Variants in ASIC2 observed in about 807,000 individuals in gnomAD.
ASIC2 encodes the protein acid-sensing ion channel 2.
A neutral mutation model predicts 57.3 loss-of-function variants in ASIC2; 25 were observed. That is an observed-to-expected ratio of 0.44 (90% CI 0.32 to 0.61). The LOEUF (loss-of-function observed/expected upper bound fraction) is 0.61. Ranked by LOEUF, ASIC2 falls within the 20% of genes least tolerant of loss-of-function variation. The pLI, the probability that ASIC2 is intolerant of heterozygous loss-of-function variation, is 0.06. For synonymous variants in ASIC2, 319 were observed against 307.5 expected, an observed-to-expected ratio of 1.04 and a Z score of -0.39; for missense variants, 641 against 738.1, an observed-to-expected ratio of 0.87 and a Z score of 1.52.
At chr17:33,931,858 C>T (rs16969051) in intron 1 of ASIC2, among the ~76,000 whole-genome samples, 23,495 of 152,178 alleles carry the variant, frequency 0.15, 2,289 homozygotes, top group African/African-American at 0.28. Context: ...GGGGAATGAG[C>T]GCTGTTCGGC....
At chr17:33,417,078 A>G (rs1910868293) in intron 1 of ASIC2, among the ~76,000 whole-genome samples, 1 of 152,190 alleles carries the variant, frequency 6.6e-6, no homozygotes, top group Non-Finnish European at 1.5e-5. Flanking sequence ...CTTGGGTAAA[A>G]GCAGCTCTTT....
At chr17:33,653,303 A>G (rs1278475053) in intron 1 of ASIC2, among the ~76,000 whole-genome samples, 2 of 152,180 alleles carry the variant, frequency 1.3e-5, no homozygotes, top group Non-Finnish European at 2.9e-5. Context: ...TGGCATTTAC[A>G]ATAGCATCAT....
At chr17:33,405,059 G>C (rs565941268) in intron 1 of ASIC2, among the ~76,000 whole-genome samples, 1 of 152,010 alleles carries the variant, frequency 6.6e-6, no homozygotes, top group South Asian at 2.1e-4. Context: ...TTAGAGTAGG[G>C]GGACAGGCAT....
chr17:34,155,044 T>A (rs1167443591), intron 1 of ASIC2, among the ~76,000 whole-genome samples: 1 of 151,452 alleles, frequency 6.6e-6, no homozygotes, highest in African/African-American at 2.4e-5. Context: ...GTAAGCCACA[T>A]CCCCCTCCGC....
intron 1 of ASIC2, chr17:33,932,827 C>A (rs1915973978): frequency 1.4e-5 from 2 of 145,644 alleles, no homozygotes; most frequent in African/African-American, 2.6e-5. Context: ...TTAAAAGTGC[C>A]TTTGTGGCTT....
intron 1 of ASIC2, among the ~76,000 whole-genome samples, chr17:34,100,080 C>T (rs1910804667): frequency 6.6e-6 from 1 of 152,102 alleles, no homozygotes; most frequent in African/African-American, 2.4e-5. Context: ...ACCGCAAACA[C>T]ATTGTCCCTG....
intron 1 of ASIC2, among the ~76,000 whole-genome samples, chr17:33,200,369 G>A (rs1443684417): frequency 1.3e-5 from 2 of 152,062 alleles, no homozygotes; most frequent in East Asian, 1.9e-4. Context: ...GAGGACTCAC[G>A]AATAAATCTG....
chr17:33,445,700 G>A (rs1324372261), intron 1 of ASIC2, among the ~76,000 whole-genome samples: 3 of 150,822 alleles, frequency 2.0e-5, no homozygotes, highest in African/African-American at 7.3e-5. Context: ...GAGAGGCTGA[G>A]GCAGGAGAAT....
chr17:33,868,090 C>A (rs1211174263), intron 1 of ASIC2, among the ~76,000 whole-genome samples: 2 of 152,032 alleles, frequency 1.3e-5, no homozygotes, highest in Admixed American at 6.6e-5. Context: ...TCTCTCTGAG[C>A]ATTAGAAATC....
intron 1 of ASIC2, among the ~76,000 whole-genome samples, chr17:33,884,001 C>T (rs1017133931): frequency 1.3e-5 from 2 of 152,152 alleles, no homozygotes; most frequent in Non-Finnish European, 2.9e-5. Flanking sequence ...GGCTCCAGAG[C>T]CCAATGTGTA....
chr17:34,054,002 G>T (rs1908666539), intron 1 of ASIC2, among the ~76,000 whole-genome samples: 1 of 152,224 alleles, frequency 6.6e-6, no homozygotes, highest in Non-Finnish European at 1.5e-5. Context: ...TGGAAAACGA[G>T]AGCAAAGGAC....
intron 1 of ASIC2, among the ~76,000 whole-genome samples, chr17:33,941,800 A>G (rs1567763387): frequency 1.3e-5 from 2 of 152,218 alleles, no homozygotes; most frequent in Non-Finnish European, 2.9e-5. Flanking sequence ...AGGTTTGCTC[A>G]TGGCTGGAGT....
At chr17:33,045,928 A>G (rs529556531) in intron 3 of ASIC2, among the ~76,000 whole-genome samples, 8 of 152,350 alleles carry the variant, frequency 5.3e-5, no homozygotes, top group African/African-American at 1.9e-4. Flanking sequence ...GAATTGGACT[A>G]TCTCAGAGCT....
intron 1 of ASIC2, among the ~76,000 whole-genome samples, chr17:33,258,908 A>G (rs1379567446): frequency 6.6e-6 from 1 of 152,198 alleles, no homozygotes; most frequent in Non-Finnish European, 1.5e-5. Context: ...GGACATGCAC[A>G]TATAGCTATC....
chr17:34,078,699 C>T (rs910758058), intron 1 of ASIC2, among the ~76,000 whole-genome samples: 2 of 152,140 alleles, frequency 1.3e-5, no homozygotes, highest in Admixed American at 1.3e-4. Context: ...GTTTCTCACC[C>T]GTAAGTGCAG....
At chr17:33,219,166 G>A (rs954067888) in intron 1 of ASIC2, among the ~76,000 whole-genome samples, 2 of 152,148 alleles carry the variant, frequency 1.3e-5, no homozygotes, top group African/African-American at 4.8e-5. Context: ...ACAGCCACAA[G>A]CAGATGGGAA....
intron 1 of ASIC2, among the ~76,000 whole-genome samples, chr17:33,191,286 A>G (rs984067070): frequency 6.6e-6 from 1 of 152,214 alleles, no homozygotes; most frequent in African/African-American, 2.4e-5. Flanking sequence ...CAGCTAATCT[A>G]CACTGACAGA....
intron 1 of ASIC2, among the ~76,000 whole-genome samples, chr17:34,113,783 G>A (rs888167172): frequency 6.6e-6 from 1 of 152,222 alleles, no homozygotes; most frequent in Admixed American, 6.5e-5. Flanking sequence ...ACTGAGGCAG[G>A]AGAATCACTT....
At chr17:33,111,730 A>C in intron 2 of ASIC2, 187 bp downstream of exon 2, 1 of 700,052 alleles carries the variant, frequency 1.4e-6, no homozygotes, top group Non-Finnish European at 2.2e-6. Flanking sequence ...TCACATAGTA[A>C]AAGGTGAGGA....
Sources: gnomAD v4.1 joint callset for allele counts (sites outside exome capture counted in the v4.1 genomes callset) on GRCh38, gnomAD v4.1.1 for gene constraint, MANE v1.5 for transcripts, NCBI Gene and HGNC (gene_info 2026-07-23, HGNC 2026-07-21) for gene names.